Variants in FIG4 observed in about 807,000 individuals in gnomAD.
FIG4 encodes polyphosphoinositide phosphatase.
FIG4 carries 112 observed loss-of-function variants against 118.6 expected under a neutral mutation model. The observed-to-expected ratio is 0.94, with a 90% CI of 0.81 to 1.11. The LOEUF (loss-of-function observed/expected upper bound fraction) is 1.11. FIG4 is among the 50% of genes least tolerant of loss of function. The pLI, the probability that FIG4 is intolerant of heterozygous loss-of-function variation, is 0.00. For synonymous variants in FIG4, 369 were observed against 381.2 expected (o/e 0.97, Z 0.37); for missense variants, 969 against 1,111.7 (o/e 0.87, Z 1.83).
At chr6:109,817,491 A>C (rs1778892258) in intron 22 of FIG4, among the ~76,000 whole-genome samples, 1 of 152,156 alleles carries the variant, frequency 6.6e-6, no homozygotes, top group Non-Finnish European at 1.5e-5. Flanking sequence ...AAAATCATCA[A>C]GCTTTATTTC....
At chr6:109,759,199 C>G (rs373540358) in intron 10 of FIG4, among the ~76,000 whole-genome samples, 1 of 152,080 alleles carries the variant, frequency 6.6e-6, no homozygotes, top group Admixed American at 6.6e-5. Flanking sequence ...ACCAACCCAA[C>G]GGCCCATCAA....
chr6:109,756,809 G>A (rs1054319851), intron 10 of FIG4, among the ~76,000 whole-genome samples: 1 of 152,096 alleles, frequency 6.6e-6, no homozygotes, highest in African/African-American at 2.4e-5. Flanking sequence ...GCACTTCTCT[G>A]TATTGGTTAT....
At chr6:109,787,165 G>C (rs1777990810) in intron 18 of FIG4, among the ~76,000 whole-genome samples, 1 of 152,006 alleles carries the variant, frequency 6.6e-6, no homozygotes, top group Admixed American at 6.6e-5. Flanking sequence ...TTCATTCTCT[G>C]TATCTCTTTT....
intron 11 of FIG4, among the ~76,000 whole-genome samples, chr6:109,760,794 G>C (rs746988705): frequency 7.2e-5 from 11 of 152,132 alleles, no homozygotes; most frequent in Non-Finnish European, 1.6e-4. Flanking sequence ...GCTTCAGAAT[G>C]TGACCACTTT....
chr6:109,805,417 T>C (rs1222767687), intron 22 of FIG4, among the ~76,000 whole-genome samples: 1 of 152,188 alleles, frequency 6.6e-6, no homozygotes, highest in Non-Finnish European at 1.5e-5. Context: ...TTAACTTACT[T>C]TTAGAATCCT....
intron 16 of FIG4, among the ~76,000 whole-genome samples, chr6:109,777,328 G>A (rs1777651632): frequency 6.6e-6 from 1 of 152,188 alleles, no homozygotes; most frequent in African/African-American, 2.4e-5. Flanking sequence ...CTGGCCACAT[G>A]CTTGCCATGA....
At chr6:109,799,966 G>A (rs1467677841) in intron 22 of FIG4, among the ~76,000 whole-genome samples, 2 of 152,114 alleles carry the variant, frequency 1.3e-5, no homozygotes, top group Non-Finnish European at 2.9e-5. Flanking sequence ...AGCCAACATT[G>A]ACCGAACACA....
chr6:109,719,020 G>A (rs1273614819), intron 3 of FIG4, among the ~76,000 whole-genome samples: 1 of 151,076 alleles, frequency 6.6e-6, no homozygotes, highest in Non-Finnish European at 1.5e-5. Flanking sequence ...CTGAGTTCAA[G>A]CCATTCTCGT....
At chr6:109,710,958 C>T (rs1415502673) in intron 1 of FIG4, among the ~76,000 whole-genome samples, 3 of 150,068 alleles carry the variant, frequency 2.0e-5, no homozygotes, top group East Asian at 1.9e-4. Flanking sequence ...AATGGTTTTT[C>T]GTGTCTCAGT....
intron 15 of FIG4, among the ~76,000 whole-genome samples, chr6:109,774,197 G>A (rs534070575): frequency 2.6e-5 from 4 of 152,278 alleles, no homozygotes; most frequent in Non-Finnish European, 5.9e-5. Context: ...CCACCTTCCA[G>A]AGATAGCCAC....
chr6:109,692,405 A>G (rs986917729), intron 1 of FIG4, among the ~76,000 whole-genome samples: 1 of 152,322 alleles, frequency 6.6e-6, no homozygotes, highest in Non-Finnish European at 1.5e-5. Flanking sequence ...GGTTGTCTCC[A>G]TTAGAGGAGT....
intron 1 of FIG4, among the ~76,000 whole-genome samples, chr6:109,695,597 CACAG>C (rs1184688046): frequency 4.7e-4 from 71 of 150,962 alleles, no homozygotes; most frequent in Middle Eastern, 3.4e-3. Context: ...CACACACACA[CACAG>C]ACACACACAC....
At chr6:109,796,019 A>C (rs1778277331) in intron 21 of FIG4, among the ~76,000 whole-genome samples, 1 of 152,234 alleles carries the variant, frequency 6.6e-6, no homozygotes, top group Non-Finnish European at 1.5e-5. Context: ...CTTCCAGCAG[A>C]TATGCACTCC....
intron 21 of FIG4, among the ~76,000 whole-genome samples, chr6:109,795,094 AGTTTTTTTTTT>A (rs1778240494): frequency 1.0e-4 from 8 of 77,186 alleles, no homozygotes; most frequent in African/African-American, 3.1e-4. Flanking sequence ...TACACTTGCC[AGTTTTTTTTTT>A]TTTTTTTTTT....
chr6:109,791,378 A>G lies in FIG4; in HGVS notation c.2183A>G (p.Asn728Ser), dbSNP rs1778129763. ...PDETGKSVLGNKSNREEAVLQ... is the reference protein window; with the variant it reads ...PDETGKSVLGSKSNREEAVLQ... Reference sequence around the variant, plus strand: ...CTTCCATATTATTCTTTTAAAAGAAACAAAAGCAATAGAGAAGAAGCTGTA... The same window carrying G: ...CTTCCATATTATTCTTTTAAAAGAAGCAAAAGCAATAGAGAAGAAGCTGTA... Residue 728 changes from asparagine (N) to serine (S), a missense_variant and splice_region_variant, in exon 20 of 23, where the codon AAC becomes AGC. By Grantham distance (46) the Asn-to-Ser change is conservative. This residue lies in a region of FIG4 where 330 missense variants were observed against 348.1 expected (regional missense o/e 0.95). Coordinates refer to ENST00000230124, the MANE Select transcript of FIG4 (RefSeq NM_014845.6). The G allele has an allele frequency of 6.2e-7, 1 of 1,612,322 alleles. No individual in the cohort carries two copies. Among genetic ancestry groups the G allele is most frequent in the Non-Finnish European group, 8.5e-7 (1 of 1,179,792 alleles).
chr6:109,714,976 C>T (rs1198381564), intron 1 of FIG4, 102 bp from the exon 2 acceptor site: 14 of 644,520 alleles, frequency 2.2e-5, no homozygotes, highest in East Asian at 2.8e-5. Context: ...TAAAAAGTAA[C>T]CTGACTTTAT....
At chr6:109,701,171 G>A (rs1381860082) in intron 1 of FIG4, among the ~76,000 whole-genome samples, 1 of 152,196 alleles carries the variant, frequency 6.6e-6, no homozygotes, top group Non-Finnish European at 1.5e-5. Context: ...GTTGGCAGAT[G>A]ACATGCAGGA....
chr6:109,738,488 A>T, intron 7 of FIG4, 35 bp downstream of exon 7: 1 of 1,586,056 alleles, frequency 6.3e-7, no homozygotes, highest in South Asian at 1.1e-5. Context: ...GATACATATT[A>T]CTAAACTTAT....
At chr6:109,781,655 C>G (rs1041577897) in intron 16 of FIG4, among the ~76,000 whole-genome samples, 2 of 151,166 alleles carry the variant, frequency 1.3e-5, no homozygotes, top group African/African-American at 2.4e-5. Flanking sequence ...TAACATGTGC[C>G]GCTGCCACTC....
Sources: allele counts gnomAD v4.1 joint callset (sites outside exome capture counted in the v4.1 genomes callset), GRCh38; gene constraint gnomAD v4.1.1; regional missense constraint gnomAD v4.1.1; transcripts MANE v1.5; gene names NCBI Gene and HGNC (gene_info 2026-07-23, HGNC 2026-07-21).